CNBD1: variants seen among roughly 807,000 people sequenced by gnomAD.
CNBD1 encodes the protein cyclic nucleotide-binding domain-containing protein 1.
CNBD1 carries 71 observed loss-of-function variants against 54.4 expected under a neutral mutation model. The observed-to-expected ratio is 1.30, with a 90% confidence interval of 1.08 to 1.59. The LOEUF is 1.59. Ranked by LOEUF, CNBD1 falls within the 40% of genes most tolerant of loss-of-function variation. The pLI, the probability that CNBD1 is intolerant of heterozygous loss-of-function variation, is 0.00. For synonymous variants in CNBD1, 182 were observed against 170.7 expected (o/e 1.07, Z -0.51); for missense variants, 659 against 518.0 (o/e 1.27, Z -2.64).
chr8:86,942,286 T>C (rs1403059426), intron 4 of CNBD1, among the ~76,000 whole-genome samples: 1 of 152,194 alleles, frequency 6.6e-6, no homozygotes, highest in Non-Finnish European at 1.5e-5. Context: ...ATTAGCTTCT[T>C]ATTGTTCTGT....
chr8:87,251,910 A>ATT (rs139251188), intron 6 of CNBD1, among the ~76,000 whole-genome samples: 4 of 150,266 alleles, frequency 2.7e-5, no homozygotes, highest in Non-Finnish European at 5.9e-5. Flanking sequence ...TGAAGAAAGT[A>ATT]TTTTTTTTTT....
intron 6 of CNBD1, among the ~76,000 whole-genome samples, chr8:87,276,137 A>T (rs1808475869): frequency 6.6e-6 from 1 of 151,940 alleles, no homozygotes. Flanking sequence ...TAGTATAGGC[A>T]TTGGAGAGTC....
chr8:87,228,321 T>A (rs1270346978), intron 5 of CNBD1, among the ~76,000 whole-genome samples: 1 of 150,836 alleles, frequency 6.6e-6, no homozygotes, highest in Non-Finnish European at 1.5e-5. Context: ...GGCACTCTGA[T>A]TTTTAGAGTT....
chr8:87,411,833 T>G (rs527706324), intron 2 of CNBD1, among the ~76,000 whole-genome samples: 1 of 152,020 alleles, frequency 6.6e-6, no homozygotes, highest in South Asian at 2.1e-4. Context: ...TCTGATATCA[T>G]TTTTCAATAA....
intron 2 of CNBD1, among the ~76,000 whole-genome samples, chr8:86,896,705 A>G (rs1327981547): frequency 6.6e-6 from 1 of 152,200 alleles, no homozygotes. Context: ...TATTAAAATT[A>G]AAAACTCAAG....
intron 8 of CNBD1, among the ~76,000 whole-genome samples, chr8:87,311,071 A>G (rs1474352432): frequency 6.6e-6 from 1 of 152,098 alleles, no homozygotes; most frequent in African/African-American, 2.4e-5. Context: ...CCTCAAAAGC[A>G]ATTGCAACAA....
chr8:86,948,111 A>G (rs771170799), intron 4 of CNBD1, among the ~76,000 whole-genome samples: 42 of 152,116 alleles, frequency 2.8e-4, no homozygotes, highest in Admixed American at 1.4e-3. Flanking sequence ...GTATGGATGA[A>G]TGGTACTCCA....
chr8:86,887,511 T>C (rs1318684235), intron 1 of CNBD1, 31 bp from the exon 2 acceptor site: 1 of 1,393,084 alleles, frequency 7.2e-7, no homozygotes. Context: ...TTATGGAAAA[T>C]TACTCAAATT....
chr8:87,269,996 C>T (rs1370491594), intron 6 of CNBD1, among the ~76,000 whole-genome samples: 1 of 151,876 alleles, frequency 6.6e-6, no homozygotes, highest in Non-Finnish European at 1.5e-5. Flanking sequence ...GAAATAGATA[C>T]AAAGATCCTC....
In CNBD1 at chr8:87,373,442, A is replaced by G. The variant is rs948877792; in HGVS notation, c.1304-9178A>G. ...TGCATCTCTCGCTTACCTAAACATGAAACATTTTGAGACCAATAATTAGTT... is the reference window on the plus strand; with the variant it reads ...TGCATCTCTCGCTTACCTAAACATGGAACATTTTGAGACCAATAATTAGTT... On this transcript the variant is annotated intron_variant, in intron 10 of 10. Transcript: ENST00000518476. 3.3e-5 allele frequency among the ~76,000 whole-genome samples: 5 copies of G among 151,992 alleles called. No homozygotes were observed. The East Asian group carries it at 9.7e-4, about 29-fold the overall frequency.
At chr8:87,428,493 ATGAAGATTATTTT>A in intron 2 of CNBD1, 1 of 296,952 alleles carries the variant, frequency 3.4e-6, no homozygotes, top group Non-Finnish European at 6.7e-6. Flanking sequence ...TGCTCTTTTT[ATGAAGATTATTTT>A]TTTATGATAT....
At chr8:87,010,284 G>A (rs951981891) in intron 4 of CNBD1, among the ~76,000 whole-genome samples, 6 of 151,732 alleles carry the variant, frequency 4.0e-5, no homozygotes, top group African/African-American at 9.7e-5. Flanking sequence ...TTCCTGACAC[G>A]ATTTTTTTTT....
chr8:87,252,905 G>A (rs1807939187), intron 6 of CNBD1, among the ~76,000 whole-genome samples: 1 of 152,108 alleles, frequency 6.6e-6, no homozygotes, highest in Admixed American at 6.6e-5. Context: ...AGGAAAAGTA[G>A]GGCTTGACTA....
At chr8:87,414,648 T>G (rs1807807498) in intron 2 of CNBD1, among the ~76,000 whole-genome samples, 1 of 152,066 alleles carries the variant, frequency 6.6e-6, no homozygotes, top group Non-Finnish European at 1.5e-5. Context: ...CAATATATCT[T>G]CTTGTACTAT....
intron 3 of CNBD1, among the ~76,000 whole-genome samples, chr8:86,926,843 G>A (rs1809369263): frequency 1.3e-5 from 2 of 152,190 alleles, no homozygotes. Flanking sequence ...GGATAATGAA[G>A]TAGATAAACT....
At chr8:87,401,932 T>C (rs1434089771) in intron 2 of CNBD1, among the ~76,000 whole-genome samples, 1 of 151,982 alleles carries the variant, frequency 6.6e-6, no homozygotes, top group East Asian at 1.9e-4. Flanking sequence ...ACATGTGACC[T>C]AATTCTGACT....
At chr8:87,223,959 T>C (rs1374670345) in intron 5 of CNBD1, among the ~76,000 whole-genome samples, 2 of 152,148 alleles carry the variant, frequency 1.3e-5, no homozygotes, top group East Asian at 3.9e-4. Context: ...TGGTATCTCA[T>C]TGTGGTTTTG....
chr8:87,281,968 C>T (rs1473983553), intron 6 of CNBD1, among the ~76,000 whole-genome samples: 3 of 150,114 alleles, frequency 2.0e-5, no homozygotes, highest in Admixed American at 1.3e-4. Flanking sequence ...AATTTTTCTT[C>T]TAAAAATATT....
chr8:87,032,869 A>G (rs904569541), intron 4 of CNBD1, among the ~76,000 whole-genome samples: 1 of 152,094 alleles, frequency 6.6e-6, no homozygotes, highest in Non-Finnish European at 1.5e-5. Flanking sequence ...ATTGTCACTG[A>G]TTTGGAAGCA....
Sources: gnomAD v4.1 joint callset for allele counts (sites outside exome capture counted in the v4.1 genomes callset) on GRCh38, gnomAD v4.1.1 for gene constraint, MANE v1.5 for transcripts, NCBI Gene and HGNC (gene_info 2026-07-23, HGNC 2026-07-21) for gene names.